Variants in LITAF observed in about 807,000 individuals in gnomAD.
The protein encoded by LITAF is lipopolysaccharide induced TNF factor.
Under a neutral mutation model 14.5 loss-of-function variants are expected in LITAF, and 9 were observed. The ratio of observed to expected loss-of-function variants is 0.62; its 90% CI spans 0.37 to 1.08. The LOEUF (loss-of-function observed/expected upper bound fraction) is 1.08. LITAF is among the 50% of genes least tolerant of loss of function. The probability of loss-of-function intolerance (pLI) is 0.01; values close to 1 mark genes in which losing one functional copy is unlikely to be tolerated. For missense variants in LITAF, 206 were observed against 213.4 expected (o/e 0.97, Z 0.22); for synonymous variants, 98 against 88.2 (o/e 1.11, Z -0.62).
At chr16:11,596,348 G>T (rs775911582) in intron 1 of LITAF, among the ~76,000 whole-genome samples, 4 of 151,496 alleles carry the variant, frequency 2.6e-5, no homozygotes, top group Non-Finnish European at 5.9e-5. Context: ...TGACACACAG[G>T]TGTCCTCTTG....
Position 11,586,806 on chromosome 16 carries a change from C to A in LITAF, c.-6+80G>T. On this transcript the variant is annotated intron_variant, in intron 1 of 3. Transcript: ENST00000622633. This position sits in a 1 kb window ranked among gnomAD's most constrained non-coding sequence, Gnocchi z 6.5. ...CAGCCAAGGGCTCAGTGCCCGGGGC[C>A]CCCAGCAGGTGCTGGCGCCACCGGC... is the stretch of plus-strand genomic sequence containing the variant. 1 of 151,838 alleles carries A rather than the reference C, an allele frequency of 6.6e-6. No homozygotes were observed. Among genetic ancestry groups the A allele is most frequent in the South Asian group, 1.9e-4 (1 of 5,338 alleles). The allele number at this position is 151,838 out of a possible 1,614,324, so 9.4% of individuals were successfully genotyped here.
intron 3 of LITAF, among the ~76,000 whole-genome samples, chr16:11,612,346 A>G (rs1396504656): frequency 1.3e-5 from 2 of 152,148 alleles, no homozygotes; most frequent in Non-Finnish European, 2.9e-5. Context: ...CATTCTTGTG[A>G]AAAGGGGCCA....
intron 3 of LITAF, among the ~76,000 whole-genome samples, chr16:11,617,672 G>T (rs67050161): frequency 0.38 from 57,012 of 151,502 alleles, 13,111 homozygotes; most frequent in Admixed American, 0.53. Context: ...TCATCCGCCC[G>T]CCTCGGCCTC....
intron 3 of LITAF, among the ~76,000 whole-genome samples, chr16:11,616,101 G>A (rs951160002): frequency 6.6e-6 from 1 of 152,180 alleles, no homozygotes; most frequent in Non-Finnish European, 1.5e-5. Flanking sequence ...ACTCCACGGG[G>A]ACAGTGGCCC....
At chr16:11,587,617 A>T (rs2064822000), upstream of LITAF, 2 of 253,862 alleles carry the variant, frequency 7.9e-6, no homozygotes, top group Admixed American at 9.9e-5. Context: ...TTGTGCCCCC[A>T]GGGTGGTCCG....
chr16:11,576,796 A>T (rs145570258), intron 1 of LITAF, among the ~76,000 whole-genome samples: 35 of 152,258 alleles, frequency 2.3e-4, no homozygotes, highest in African/African-American at 8.2e-4. Context: ...AGTGAGGTAA[A>T]CAGGCTTGGG....
chr16:11,550,942 G>T lies in LITAF; in HGVS notation c.378-1197C>A, dbSNP rs571147867. Among the ~76,000 whole-genome samples, 3 of 152,296 alleles carry T rather than the reference G, an allele frequency of 2.0e-5. No individual in the cohort carries two copies. The South Asian group carries it at 6.2e-4, about 32-fold the overall frequency. ...AACTTAAAACAGGCGCCTGGCTCCA[G>T]GGTCGTTTTGCCAACCCCCGTCTTA... On this transcript the variant is annotated intron_variant, in intron 3 of 3. Transcript: ENST00000622633.
intron 3 of LITAF, among the ~76,000 whole-genome samples, chr16:11,609,467 G>T (rs2064971150): frequency 6.6e-6 from 1 of 152,158 alleles, no homozygotes; most frequent in African/African-American, 2.4e-5. Flanking sequence ...ACCCGTCTCG[G>T]CCTCCCAAAG....
chr16:11,612,612 T>G (rs1175802650), intron 3 of LITAF, among the ~76,000 whole-genome samples: 1 of 152,086 alleles, frequency 6.6e-6, no homozygotes, highest in Non-Finnish European at 1.5e-5. Context: ...GATGGAAAGT[T>G]AACAAGGCCC....
chr16:11,591,766 A>G (rs2064847858), upstream of LITAF, among the ~76,000 whole-genome samples: 2 of 151,914 alleles, frequency 1.3e-5, no homozygotes, highest in South Asian at 4.1e-4. Flanking sequence ...TCAGCCTCCC[A>G]GGTAGCTGGA....
intron 3 of LITAF, among the ~76,000 whole-genome samples, chr16:11,620,869 C>T (rs1437335074): frequency 1.3e-5 from 2 of 152,182 alleles, no homozygotes; most frequent in African/African-American, 4.8e-5. Flanking sequence ...TGCTCCAGGA[C>T]ATGTCAACAC....
chr16:11,632,395 G>A lies in LITAF; in HGVS notation c.85+1138C>T, dbSNP rs1435413043. On this transcript the variant is annotated intron_variant, in intron 3 of 3. Coordinates refer to the LITAF transcript ENST00000574848. The surrounding 1 kb of genome is among the most constrained non-coding windows in gnomAD (Gnocchi z 4.8). ...CCGAGATGACAGAGACAGGGAGAGG[G>A]ACAGAGACAGGGAGAGGGACAGAGA... Among the ~76,000 whole-genome samples the A allele has an allele frequency of 6.6e-6, 1 of 151,984 alleles. No homozygotes were observed. The highest frequency in any genetic ancestry group is 1.5e-5 in the Non-Finnish European group (1 of 67,996).
upstream of LITAF, among the ~76,000 whole-genome samples, chr16:11,588,583 GGAAA>G (rs1297604727): frequency 1.4e-5 from 2 of 139,656 alleles, no homozygotes; most frequent in Non-Finnish European, 1.6e-5. Flanking sequence ...AGAAAGAGAA[GGAAA>G]GAAGGAAGGG....
At chr16:11,623,107 G>C (rs534741712) in intron 3 of LITAF, among the ~76,000 whole-genome samples, 1 of 151,514 alleles carries the variant, frequency 6.6e-6, no homozygotes, top group African/African-American at 2.4e-5. Flanking sequence ...GGGACTACAG[G>C]CGCCCACCAC....
In LITAF at chr16:11,605,783, A is replaced by T. The variant is rs1321702103; in HGVS notation, c.85+27750T>A. On this transcript the variant is annotated intron_variant, in intron 3 of 3. Transcript: ENST00000574848. This position sits in a 1 kb window ranked among gnomAD's most constrained non-coding sequence, Gnocchi z 4.7. The stretch of plus-strand genomic sequence containing the variant: ...CCTGTCTCTAAGAGAAAGAGAAGCA[A>T]GAGAGTTACCGTGAGAGCCCCGAGA... Among the ~76,000 whole-genome samples, 1 of 152,122 alleles carries T rather than the reference A, an allele frequency of 6.6e-6. No individual in the cohort carries two copies. Among genetic ancestry groups the T allele is most frequent in the Non-Finnish European group, 1.5e-5 (1 of 68,010 alleles).
At chr16:11,638,070 ATATATATC>A (rs2065149257), upstream of LITAF, among the ~76,000 whole-genome samples, 1 of 119,122 alleles carries the variant, frequency 8.4e-6, no homozygotes, top group Admixed American at 9.0e-5. Flanking sequence ...ATATATCTAT[ATATATATC>A]TATATCTATC....
chr16:11,571,163 G>T lies in LITAF; in HGVS notation c.-5-14428C>A, dbSNP rs1262840593. 2.0e-5 allele frequency among the ~76,000 whole-genome samples: 3 copies of T among 152,228 alleles called. No homozygotes were observed. The East Asian group carries it at 5.8e-4, about 29-fold the overall frequency. On this transcript the variant is annotated intron_variant, in intron 1 of 3. Coordinates refer to ENST00000622633, the MANE Select transcript of LITAF (RefSeq NM_001136472.2). ...GCTCACTGCAACCTCCGCCTCCCAG[G>T]TTCAAGCGATTCTCCTGCCCCAGCC...
intron 1 of LITAF, among the ~76,000 whole-genome samples, chr16:11,568,823 G>A (rs2064498214): frequency 6.6e-6 from 1 of 152,010 alleles, no homozygotes; most frequent in Admixed American, 6.6e-5. Context: ...GGGACTACAG[G>A]CATGCGCCAC....
At chr16:11,560,149 T>C (rs1289199112) in intron 1 of LITAF, among the ~76,000 whole-genome samples, 1 of 150,124 alleles carries the variant, frequency 6.7e-6, no homozygotes, top group East Asian at 2.0e-4. Flanking sequence ...ATACAAAAAT[T>C]AGCCAGGTGT....
Sources: gnomAD v4.1 joint callset for allele counts (sites outside exome capture counted in the v4.1 genomes callset) on GRCh38, gnomAD v4.1.1 for gene constraint, Gnocchi (gnomAD v3.1) non-coding constraint, MANE v1.5 for transcripts, NCBI Gene and HGNC (gene_info 2026-07-23, HGNC 2026-07-21) for gene names.